Variants in FANCA observed in about 807,000 individuals in gnomAD.
The protein encoded by FANCA is Fanconi anemia group A protein.
Under a neutral mutation model 194.3 loss-of-function variants are expected in FANCA, and 236 were observed. The observed-to-expected ratio is 1.21, with a 90% CI of 1.09 to 1.35. FANCA has a LOEUF of 1.35. Among genes scored for constraint, FANCA ranks in the 40% most tolerant of loss-of-function variants. The pLI is 0.00. For missense variants in FANCA, 2,628 were observed against 1,813.9 expected (o/e 1.45, Z -8.15); for synonymous variants, 1,014 against 715.8 (o/e 1.42, Z -6.65).
At chr16:89,771,492 G>A (rs1320557939) in intron 23 of FANCA, among the ~76,000 whole-genome samples, 186 bp downstream of exon 23, 3 of 152,052 alleles carry the variant, frequency 2.0e-5, no homozygotes, top group Non-Finnish European at 4.4e-5. Context: ...TGTAAAAGGA[G>A]CTCTTCATAC....
intron 32 of FANCA, among the ~76,000 whole-genome samples, chr16:89,749,256 A>G (rs1733023823): frequency 6.6e-6 from 1 of 152,232 alleles, no homozygotes; most frequent in Admixed American, 6.5e-5. Context: ...TCTGTTGCCC[A>G]GGCTGGTGTG....
intron 14 of FANCA, among the ~76,000 whole-genome samples, chr16:89,785,207 T>C (rs1199812237): frequency 1.3e-5 from 2 of 152,230 alleles, no homozygotes; most frequent in Non-Finnish European, 2.9e-5. Context: ...ATGTGGTTCA[T>C]ACATTTACAG....
chr16:89,752,138 C>A lies in FANCA; in HGVS notation c.3066G>T (p.Gln1022His). ...TGAGTTGTGGCACCCTCAAACTCACCTGCAATCTGGAAATAATATCCTCAT... is the reference window on the plus strand; with the variant it reads ...TGAGTTGTGGCACCCTCAAACTCACATGCAATCTGGAAATAATATCCTCAT... ...TGNEDIISRL[Q>H]EMVADLELQQ... Residue 1022 changes from glutamine (Q) to histidine (H), a missense_variant and splice_region_variant, in exon 31 of 43, where the codon CAG (glutamine) becomes CAT (histidine). By Grantham distance (24) the Gln-to-His change is conservative. Transcript: ENST00000389301. The A allele has an allele frequency of 6.2e-7, 1 of 1,613,908 alleles. No individual in the cohort carries two copies. The highest frequency in any genetic ancestry group is 8.5e-7 in the Non-Finnish European group (1 of 1,179,816).
intron 31 of FANCA, among the ~76,000 whole-genome samples, chr16:89,751,600 G>C (rs1002873410): frequency 2.6e-5 from 4 of 152,156 alleles, no homozygotes; most frequent in Admixed American, 6.6e-5. Flanking sequence ...CGGAGGGAGA[G>C]ACAGGGGCCT....
At chr16:89,791,692 G>C in intron 13 of FANCA, 156 bp from the exon 14 acceptor site, 1 of 1,139,688 alleles carries the variant, frequency 8.8e-7, no homozygotes, top group Non-Finnish European at 1.3e-6. Flanking sequence ...CATGTCAAGT[G>C]CAAACCACTA....
rs1056497675 is a variant in FANCA, at chr16:89,795,918, G to C, written c.994C>G (p.Pro332Ala). The change falls in exon 11 of 43, where the codon CCT becomes GCT. Residue 332 changes from proline (P) to alanine (A), a missense_variant. Transcript: ENST00000389301. The part of the protein sequence containing the change: ...HTLTQILTHS[P>A]VLKASDAVQM... ...ACACTGGGCCTACCTTTCAGCACAG[G>C]GCTGTGAGTGAGTATCTGAGTCAGG... 6.2e-7 allele frequency: 1 copy of C among 1,613,324 alleles called. No homozygotes were observed. Among genetic ancestry groups the C allele is most frequent in the Non-Finnish European group, 8.5e-7 (1 of 1,179,262 alleles).
rs35566151 is a variant in FANCA, at chr16:89,808,363, G to C, written c.527C>G (p.Ser176Cys). 1.2e-6 allele frequency: 2 copies of C among 1,614,028 alleles called. No individual in the cohort carries two copies. Among genetic ancestry groups the C allele is most frequent in the South Asian group, 2.2e-5 (2 of 91,068 alleles). The change falls in exon 6 of 43, where the codon TCT becomes TGT. Residue 176 changes from serine (S) to cysteine (C), a missense_variant. Ser to Cys is a moderately radical substitution (Grantham distance 112). Transcript: ENST00000389301. ...ATGCCACACCGCTTCAAGCAACAAA[G>C]AACTCTGAAAAACAAAACAAAACAA... Reference protein sequence around the residue: ...FCQELWKIQSSLLLEAVWHLH... With the variant: ...FCQELWKIQSCLLLEAVWHLH...
chr16:89,751,938 ATTT>A, intron 31 of FANCA, among the ~76,000 whole-genome samples, 197 bp downstream of exon 31: 1 of 151,810 alleles, frequency 6.6e-6, no homozygotes, highest in East Asian at 1.9e-4. Context: ...GCCCGGCTAA[ATTT>A]TTGTATTTTT....
In FANCA at chr16:89,738,189, G is replaced by A; in HGVS notation, c.*412C>T. 2 of 1,611,438 alleles carry A rather than the reference G, an allele frequency of 1.2e-6. No individual in the cohort carries two copies. Among genetic ancestry groups the A allele is most frequent in the Non-Finnish European group, 1.7e-6 (2 of 1,179,280 alleles). On this transcript the variant is annotated 3_prime_UTR_variant, in exon 43 of 43. Transcript: ENST00000389301. ...CCCTGGAGGCGGAACCACCACCTGG[G>A]CCACCGAGCCCCTCTGTGACCACAG...
chr16:89,741,231 G>C (rs953679425), intron 37 of FANCA, among the ~76,000 whole-genome samples: 1 of 152,150 alleles, frequency 6.6e-6, no homozygotes, highest in Non-Finnish European at 1.5e-5. Context: ...AAGCCCACAG[G>C]CTCCAGCCTA....
chr16:89,740,083 G>C lies in FANCA; in HGVS notation c.3845C>G (p.Pro1282Arg), dbSNP rs370949960. 6.2e-7 allele frequency: 1 copy of C among 1,614,176 alleles called. No individual in the cohort carries two copies. The highest frequency in any genetic ancestry group is 8.5e-7 in the Non-Finnish European group (1 of 1,180,030). The change falls in exon 39 of 43, where the codon CCA (proline) becomes CGA (arginine). Residue 1282 changes from proline (P) to arginine (R), a missense_variant. Coordinates refer to ENST00000389301, the MANE Select transcript of FANCA (RefSeq NM_000135.4). Reference protein sequence around the residue: ...HLTSNSTTDLPKAFHVCAAIL... With the variant: ...HLTSNSTTDLRKAFHVCAAIL... ...TGCTGCACAAACGTGGAAAGCCTTT[G>C]GCAGGTCTGTGGTGCTCTGTAAACC...
chr16:89,747,885 C>G (rs1377420668), intron 33 of FANCA, among the ~76,000 whole-genome samples: 1 of 152,024 alleles, frequency 6.6e-6, no homozygotes, highest in Non-Finnish European at 1.5e-5. Context: ...CCAACTGGGT[C>G]CCTACGCTGC....
intron 31 of FANCA, among the ~76,000 whole-genome samples, chr16:89,751,132 A>G (rs2038574170): frequency 6.6e-6 from 1 of 152,112 alleles, no homozygotes; most frequent in South Asian, 2.1e-4. Context: ...ACCTCAAGTG[A>G]TCTAGCCACC....
chr16:89,749,685 C>G, intron 32 of FANCA, 45 bp downstream of exon 32: 1 of 1,586,366 alleles, frequency 6.3e-7, no homozygotes, highest in South Asian at 1.1e-5. Context: ...GAGATGCTGC[C>G]CTGCCCAGGT....
At chr16:89,743,516 A>C (rs912688738) in intron 36 of FANCA, among the ~76,000 whole-genome samples, 4 of 150,892 alleles carry the variant, frequency 2.7e-5, no homozygotes, top group African/African-American at 9.9e-5. Flanking sequence ...ACACAGTGAG[A>C]CTCAATCTCA....
At chr16:89,755,059 G>C (rs962218329) in intron 30 of FANCA, among the ~76,000 whole-genome samples, 11 of 152,176 alleles carry the variant, frequency 7.2e-5, no homozygotes, top group Non-Finnish European at 1.5e-4. Context: ...AACACAATGA[G>C]AGCCAGAAAC....
intron 39 of FANCA, 181 bp from the exon 40 acceptor site, chr16:89,739,734 G>A (rs1031181721): frequency 2.0e-6 from 3 of 1,495,854 alleles, no homozygotes; most frequent in African/African-American, 1.4e-5. Context: ...GGATGGGGGG[G>A]TCGACCTCTT....
At chr16:89,781,966 C>A (rs1378195866) in intron 17 of FANCA, among the ~76,000 whole-genome samples, 1 of 151,188 alleles carries the variant, frequency 6.6e-6, no homozygotes, top group Non-Finnish European at 1.5e-5. Flanking sequence ...GAGACTGCGC[C>A]ACTGCACTCC....
At chr16:89,801,878 A>G (rs1052478574) in intron 8 of FANCA, among the ~76,000 whole-genome samples, 1 of 151,988 alleles carries the variant, frequency 6.6e-6, no homozygotes, top group Non-Finnish European at 1.5e-5. Flanking sequence ...ACAGAGAGAG[A>G]CACCGTCTCA....
Sources: allele counts gnomAD v4.1 joint callset (sites outside exome capture counted in the v4.1 genomes callset), GRCh38; gene constraint gnomAD v4.1.1; transcripts MANE v1.5; gene names NCBI Gene and HGNC (gene_info 2026-07-23, HGNC 2026-07-21).